The following GALNT10 variants were observed in gnomAD, a reference collection of about 807,000 sequenced individuals.
GALNT10 encodes the protein GalNAc transferase 10.
GALNT10 carries 41 observed loss-of-function variants against 75.0 expected under a neutral mutation model. The ratio of observed to expected loss-of-function variants is 0.55; its 90% CI spans 0.43 to 0.71. The LOEUF (loss-of-function observed/expected upper bound fraction) is 0.71, where lower values mean the gene tolerates loss of function less well. Among genes scored for constraint, GALNT10 ranks in the 30% least tolerant of loss-of-function variants. The pLI is 0.00. For missense variants in GALNT10, 727 were observed against 818.5 expected, an observed-to-expected ratio of 0.89 and a Z score of 1.36; for synonymous variants, 302 against 313.0, an observed-to-expected ratio of 0.96 and a Z score of 0.37.
chr5:154,413,490 A>G (rs914965489), intron 10 of GALNT10, among the ~76,000 whole-genome samples: 2 of 152,204 alleles, frequency 1.3e-5, no homozygotes, highest in African/African-American at 4.8e-5. Context: ...GGAAGTCCTC[A>G]TATTGATGAG....
chr5:154,217,706 A>G (rs1752896136), intron 1 of GALNT10, among the ~76,000 whole-genome samples: 1 of 152,214 alleles, frequency 6.6e-6, no homozygotes, highest in African/African-American at 2.4e-5. Flanking sequence ...CCTCTCAAGC[A>G]GGTCAGCGCA....
intron 1 of GALNT10, among the ~76,000 whole-genome samples, chr5:154,257,680 A>T (rs933385315): frequency 6.6e-6 from 1 of 152,084 alleles, no homozygotes; most frequent in Non-Finnish European, 1.5e-5. Context: ...TTAAAAAAAA[A>T]AAAAAAGAGA....
chr5:154,245,938 C>A (rs1352288733), intron 1 of GALNT10, among the ~76,000 whole-genome samples: 1 of 151,672 alleles, frequency 6.6e-6, no homozygotes. Flanking sequence ...AGGTATATCT[C>A]CTAATGCTAT....
chr5:154,391,009 C>T (rs985853329), intron 7 of GALNT10, among the ~76,000 whole-genome samples: 2 of 152,208 alleles, frequency 1.3e-5, no homozygotes, highest in Non-Finnish European at 2.9e-5. Flanking sequence ...CTCCTGAGGT[C>T]CGGAAGGGAG....
At position 154,312,747 on chromosome 5, in the gene GALNT10, T is replaced by A. The variant is rs374234789; in HGVS notation, c.401+14668T>A. Reference sequence around the variant, plus strand: ...TTCTTCTTTTCTCCTCTTTTATGAATCATCAAGAAACTTGATATTAAAGTC... The same window carrying A: ...TTCTTCTTTTCTCCTCTTTTATGAAACATCAAGAAACTTGATATTAAAGTC... On this transcript the variant is annotated intron_variant, in intron 3 of 11. Coordinates refer to ENST00000297107, the MANE Select transcript of GALNT10 (RefSeq NM_198321.4). Among the ~76,000 whole-genome samples the A allele has an allele frequency of 1.5e-4, 23 of 152,350 alleles. No individual in the cohort carries two copies. The East Asian group carries it at 4.4e-3, about 29-fold the overall frequency.
chr5:154,326,764 C>T (rs559888830), intron 3 of GALNT10, among the ~76,000 whole-genome samples: 7 of 152,170 alleles, frequency 4.6e-5, no homozygotes, highest in South Asian at 2.1e-4. Flanking sequence ...GGGGAATGAC[C>T]GCTAGTACAC....
At chr5:154,351,935 C>T (rs186290349) in intron 4 of GALNT10, among the ~76,000 whole-genome samples, 209 of 152,272 alleles carry the variant, frequency 1.4e-3, no homozygotes, top group African/African-American at 4.7e-3. Context: ...TTACTGTGTG[C>T]CAGGTATTTT....
intron 1 of GALNT10, among the ~76,000 whole-genome samples, chr5:154,210,975 A>G (rs773669491): frequency 4.6e-5 from 7 of 152,256 alleles, no homozygotes; most frequent in Non-Finnish European, 8.8e-5. Context: ...AGAGGGAGAG[A>G]GAGTGATAAA....
At position 154,416,924 on chromosome 5, in the gene GALNT10, G is replaced by A. The variant is rs3734085; in HGVS notation, c.1764G>A (p.Leu588=). ...CATCCTCTCTCACCCAGCAGTGGCT[G>A]TTTGAACACACCAACTCAACAGTCT... The part of the protein sequence containing the change: ...CNPSSLTQQW[L]FEHTNSTVLE... Residue 588 remains leucine (L), a synonymous_variant, in exon 12 of 12, where the codon CTG becomes CTA. Transcript: ENST00000297107. The surrounding 1 kb of genome is among the most constrained non-coding windows in gnomAD (Gnocchi z 4.5). 30,462 of 1,614,044 alleles carry A rather than the reference G, an allele frequency of 0.019. 1,033 individuals are homozygous for A. The highest frequency in any genetic ancestry group is 0.18 in the East Asian group (8,173 of 44,878).
intron 9 of GALNT10, among the ~76,000 whole-genome samples, chr5:154,410,439 C>G (rs1391694421): frequency 6.6e-6 from 1 of 151,570 alleles, no homozygotes; most frequent in African/African-American, 2.4e-5. Flanking sequence ...GTAGTTGCAG[C>G]AACTTGGGAG....
chr5:154,293,873 C>G (rs977257391), intron 1 of GALNT10, among the ~76,000 whole-genome samples: 1 of 152,064 alleles, frequency 6.6e-6, no homozygotes, highest in South Asian at 2.1e-4. Flanking sequence ...CCCAAATGCA[C>G]TCAGGTCCAT....
chr5:154,390,772 A>G (rs1381324308), intron 7 of GALNT10, among the ~76,000 whole-genome samples: 1 of 152,242 alleles, frequency 6.6e-6, no homozygotes, highest in Non-Finnish European at 1.5e-5. Flanking sequence ...AAACCAGCCC[A>G]AAATGATTTC....
Position 154,412,439 on chromosome 5 carries a change from A to C in GALNT10, c.1387-450A>C. The C allele has an allele frequency of 5.7e-6, 1 of 175,516 alleles. No individual in the cohort carries two copies. Among genetic ancestry groups the C allele is most frequent in the Admixed American group, 5.7e-5 (1 of 17,670 alleles). The allele number at this position is 175,516 out of a possible 1,614,324, so 10.9% of individuals were successfully genotyped here. On this transcript the variant is annotated intron_variant, in intron 9 of 11. Transcript: ENST00000297107. This position sits in a 1 kb window ranked among gnomAD's most constrained non-coding sequence, Gnocchi z 4.2. ...CCACCTCTTGCCATTCACCTGTCCTAAGGGACAGAGACAGTCCATGACATA... is the reference window on the plus strand; with the variant it reads ...CCACCTCTTGCCATTCACCTGTCCTCAGGGACAGAGACAGTCCATGACATA...
chr5:154,320,488 A>G (rs1581971949), intron 3 of GALNT10, among the ~76,000 whole-genome samples: 1 of 152,108 alleles, frequency 6.6e-6, no homozygotes, highest in Non-Finnish European at 1.5e-5. Flanking sequence ...CCCGCCCCCA[A>G]CCCTGCTTCA....
At chr5:154,222,620 C>T (rs1581925924) in intron 1 of GALNT10, among the ~76,000 whole-genome samples, 1 of 152,198 alleles carries the variant, frequency 6.6e-6, no homozygotes, top group Admixed American at 6.5e-5. Flanking sequence ...TCCTCACCAA[C>T]ACTTAGAATG....
At chr5:154,415,757 C>T (rs995366314) in intron 10 of GALNT10, 26 bp from the exon 11 acceptor site, 2 of 1,592,974 alleles carry the variant, frequency 1.3e-6, no homozygotes, top group Non-Finnish European at 1.7e-6. Context: ...CTTTGCTATC[C>T]CTATTTATGA....
rs994195231 is a variant in GALNT10 at position 154,376,187 on chromosome 5, C to T, written c.569-90C>T. On this transcript the variant is annotated intron_variant, in intron 4 of 11. Transcript: ENST00000297107. This position sits in a 1 kb window ranked among gnomAD's most constrained non-coding sequence, Gnocchi z 4.1. ...AGTGTACAGGAAAGCTGTGTCTAGA[C>T]TGTGAAGTGCAGTTCACATGTAAGG... The T allele has an allele frequency of 4.9e-6, 4 of 823,810 alleles. No individual in the cohort carries two copies. Among genetic ancestry groups the T allele is most frequent in the Non-Finnish European group, 4.1e-6 (2 of 486,082 alleles). 51.0% of individuals were successfully genotyped at this position (823,810 alleles called of 1,614,324 possible). A position where few individuals can be genotyped will look rare whatever the true frequency, so the allele number is the denominator to read the frequency against.
At chr5:154,301,832 A>T (rs1006779878) in intron 3 of GALNT10, among the ~76,000 whole-genome samples, 1 of 152,166 alleles carries the variant, frequency 6.6e-6, no homozygotes, top group Non-Finnish European at 1.5e-5. Context: ...GGCATCAATA[A>T]GCTGTGGAAC....
In GALNT10 at chr5:154,419,365, C is replaced by A. The variant is rs948402613; in HGVS notation, c.*2393C>A. 1 of 152,236 alleles carries A rather than the reference C, an allele frequency of 6.6e-6. No homozygotes were observed. The highest frequency in any genetic ancestry group is 2.4e-5 in the African/African-American group (1 of 41,430). The allele number at this position is 152,236 out of a possible 1,614,324, so 9.4% of individuals were successfully genotyped here. On this transcript the variant is annotated 3_prime_UTR_variant, in exon 12 of 12. Coordinates refer to ENST00000297107, the MANE Select transcript of GALNT10 (RefSeq NM_198321.4). ...TTGGGGGCCATCCCTGCGGTCCACC[C>A]TCTGAACCCCCAGCATGTTTGTCCT...
Sources: allele counts gnomAD v4.1 joint callset (sites outside exome capture counted in the v4.1 genomes callset), GRCh38; gene constraint gnomAD v4.1.1; non-coding constraint Gnocchi (gnomAD v3.1); transcripts MANE v1.5; gene names NCBI Gene and HGNC (gene_info 2026-07-23, HGNC 2026-07-21).